The following TCF20 variants were observed in gnomAD, a reference collection of about 807,000 sequenced individuals.
The protein encoded by TCF20 is transcription factor 20, also known as SPRE-binding protein.
A neutral mutation model predicts 148.6 loss-of-function variants in TCF20; 3 were observed. The ratio of observed to expected loss-of-function variants is 0.02; its 90% confidence interval spans 0.01 to 0.05. The LOEUF is 0.05. Among genes scored for constraint, TCF20 ranks in the 10% least tolerant of loss-of-function variants. The probability of loss-of-function intolerance (pLI) is 1.00; values close to 1 mark genes in which losing one functional copy is unlikely to be tolerated. For synonymous variants in TCF20, 1,049 were observed against 909.5 expected (o/e 1.15, Z -2.76); for missense variants, 2,350 against 2,429.3 (o/e 0.97, Z 0.69).
chr22:42,189,174 T>C (rs1937201675), intron 2 of TCF20, among the ~76,000 whole-genome samples: 2 of 152,132 alleles, frequency 1.3e-5, no homozygotes, highest in Non-Finnish European at 2.9e-5. Context: ...GTTTGGGTAC[T>C]GGTGGTGGAA....
At chr22:42,308,453 G>A (rs1453440348) in intron 1 of TCF20, among the ~76,000 whole-genome samples, 1 of 152,058 alleles carries the variant, frequency 6.6e-6, no homozygotes, top group African/African-American at 2.4e-5. Context: ...CCTATCCTTG[G>A]GGGCAGGCAC....
intron 1 of TCF20, among the ~76,000 whole-genome samples, chr22:42,216,638 C>T (rs1176396117): frequency 6.6e-6 from 1 of 152,132 alleles, no homozygotes; most frequent in Non-Finnish European, 1.5e-5. Flanking sequence ...CCTTTACCCG[C>T]CATGTGGTAT....
intron 5 of TCF20, among the ~76,000 whole-genome samples, chr22:42,165,428 C>T (rs551124824): frequency 1.3e-5 from 2 of 152,300 alleles, no homozygotes; most frequent in East Asian, 3.9e-4. Flanking sequence ...GTTTAATTCA[C>T]GACAGGAGGA....
chr22:42,330,873 G>A (rs755538790), intron 1 of TCF20, among the ~76,000 whole-genome samples: 21 of 152,320 alleles, frequency 1.4e-4, no homozygotes, highest in African/African-American at 1.9e-4. Flanking sequence ...GGGGCTGCCC[G>A]TGAATGTCCT....
rs1927422476 is a variant in TCF20, at chr22:42,305,869, A to G, written c.-37+37610T>C. Among the ~76,000 whole-genome samples the G allele has an allele frequency of 2.1e-5, 3 of 145,838 alleles. No individual in the cohort carries two copies. In the South Asian group the frequency reaches 7.1e-4, roughly 34 times the overall value. On this transcript the variant is annotated intron_variant, in intron 1 of 1. Coordinates refer to the TCF20 transcript ENST00000515426. ...GGCCCTCAGATGCTCTCAAAGCTGG[A>G]GGGCAGGAAAAGCCCCTCAGGAGGG...
Position 42,270,604 on chromosome 22 carries a change from G to T in TCF20, c.-302C>A, listed in dbSNP as rs867847293. ...GGCCGCCTCGCAGGGGCCGAAAGCG[G>T]CTGGGCTCGGGGTTTTTTCTCTCCA... is the stretch of plus-strand genomic sequence containing the variant. On this transcript the variant is annotated 5_prime_UTR_variant, in exon 1 of 6. Transcript: ENST00000677622. Among the ~76,000 whole-genome samples the T allele has an allele frequency of 6.9e-6, 1 of 145,630 alleles. No homozygotes were observed. Among genetic ancestry groups the T allele is most frequent in the Non-Finnish European group, 1.5e-5 (1 of 65,588 alleles).
chr22:42,251,220 C>T (rs1925338614), intron 1 of TCF20, among the ~76,000 whole-genome samples: 1 of 152,142 alleles, frequency 6.6e-6, no homozygotes, highest in Non-Finnish European at 1.5e-5. Flanking sequence ...TTATTGAAGA[C>T]AAAGTCTTGC....
chr22:42,245,504 T>C (rs1279957230), intron 1 of TCF20, among the ~76,000 whole-genome samples: 2 of 152,328 alleles, frequency 1.3e-5, no homozygotes, highest in Non-Finnish European at 2.9e-5. Flanking sequence ...ACTGACCTAC[T>C]TCTCCCTTAA....
Position 42,212,872 on chromosome 22 carries a change from A to G in TCF20, c.2434T>C (p.Leu812=), listed in dbSNP as rs527483085. The G allele has an allele frequency of 6.2e-7, 1 of 1,614,144 alleles. No individual in the cohort carries two copies. Among genetic ancestry groups the G allele is most frequent in the Non-Finnish European group, 8.5e-7 (1 of 1,180,028 alleles). The part of the protein sequence containing the change: ...GLLNKSIGSL[L]ENPHWGPWER... The stretch of plus-strand genomic sequence containing the variant: ...CAGGGGCCCCAGTGGGGATTTTCTA[A>G]TAGAGACCCAATGCTTTTGTTCAGA... The change falls in exon 2 of 6, where the codon TTA becomes CTA. Residue 812 remains leucine (L), a synonymous_variant. Coordinates refer to ENST00000677622, the MANE Select transcript of TCF20 (RefSeq NM_001378418.1).
At position 42,185,774 on chromosome 22, in the gene TCF20, C is replaced by CGA. The variant is rs1303310442; in HGVS notation, c.5656-6074_5656-6073dup. On this transcript the variant is annotated intron_variant, in intron 2 of 5. Transcript: ENST00000677622. ...TGGTCCTTACTTCCTTAGAGCTAGA[C>CGA]GATCTCCTTACGTTTCTTCATGAAA... Among the ~76,000 whole-genome samples, 4 of 152,310 alleles carry CGA rather than the reference C, an allele frequency of 2.6e-5. No individual in the cohort carries two copies. In the East Asian group the frequency reaches 7.7e-4, roughly 29 times the overall value.
intron 1 of TCF20, among the ~76,000 whole-genome samples, chr22:42,221,307 TGG>T (rs1922335919): frequency 6.6e-6 from 1 of 152,210 alleles, no homozygotes; most frequent in Non-Finnish European, 1.5e-5. Flanking sequence ...CTTCCAGGGT[TGG>T]GTAAAGCCTT....
In TCF20 at chr22:42,209,956, G is replaced by C. The variant is rs1289889944; in HGVS notation, c.5350C>G (p.Pro1784Ala). ...QKEQRSLAAH[P>A]RFKRRHRSED... ...GAGCGGTGGCGCCGCTTAAACCTGG[G>C]GTGTGCGGCCAGGCTTCTCTGCTCC... Residue 1784 changes from proline to alanine, a missense_variant, in exon 2 of 6, where the codon CCC (proline) becomes GCC (alanine). This residue lies in a region of TCF20 where 374 missense variants were observed against 398.3 expected (regional missense o/e 0.94). Transcript: ENST00000677622. The C allele has an allele frequency of 6.2e-7, 1 of 1,613,830 alleles. No individual in the cohort carries two copies.
chr22:42,268,151 A>G (rs959505757), intron 1 of TCF20, among the ~76,000 whole-genome samples: 1 of 142,860 alleles, frequency 7.0e-6, no homozygotes, highest in African/African-American at 2.6e-5. Context: ...GTCAAAATAA[A>G]TAAGTAAATA....
intron 1 of TCF20, among the ~76,000 whole-genome samples, chr22:42,251,490 G>GTTT (rs1269590672): frequency 1.7e-4 from 13 of 77,438 alleles, no homozygotes; most frequent in African/African-American, 2.1e-4. Flanking sequence ...CCAAACAAGT[G>GTTT]TCTTTTTTTT....
rs780689927 is a variant in TCF20 at position 42,212,104 on chromosome 22, G to T, written c.3202C>A (p.Arg1068=). Reference sequence around the variant, plus strand: ...TTAGGGTCCCCATAAGCATGAGCCCGAGTATTTGCATGATAAGCAGAGGCC... The same window carrying T: ...TTAGGGTCCCCATAAGCATGAGCCCTAGTATTTGCATGATAAGCAGAGGCC... ...TLASAYHANT[R]AHAYGDPNAG... The change falls in exon 2 of 6, where the codon CGG becomes AGG. Residue 1068 remains arginine, a synonymous_variant. Coordinates refer to ENST00000677622, the MANE Select transcript of TCF20 (RefSeq NM_001378418.1). The T allele has an allele frequency of 6.2e-7, 1 of 1,614,126 alleles. No homozygotes were observed. The highest frequency in any genetic ancestry group is 8.5e-7 in the Non-Finnish European group (1 of 1,180,028).
intron 1 of TCF20, among the ~76,000 whole-genome samples, chr22:42,283,479 C>T (rs1390053193): frequency 1.3e-5 from 2 of 152,132 alleles, no homozygotes; most frequent in African/African-American, 2.4e-5. Context: ...CCTTCACGCC[C>T]CTGCTGCTGC....
intron 1 of TCF20, among the ~76,000 whole-genome samples, chr22:42,220,756 C>T (rs1355962747): frequency 1.3e-5 from 2 of 152,156 alleles, no homozygotes; most frequent in African/African-American, 4.8e-5. Flanking sequence ...GTGAGAGGAA[C>T]TTACTCTCCT....
chr22:42,196,384 A>AT (rs1241817126), intron 2 of TCF20, among the ~76,000 whole-genome samples: 1 of 152,234 alleles, frequency 6.6e-6, no homozygotes, highest in Non-Finnish European at 1.5e-5. Flanking sequence ...ACAAAGTCTT[A>AT]TATCAGCAAA....
At chr22:42,303,231 A>G (rs995295278) in intron 1 of TCF20, among the ~76,000 whole-genome samples, 1 of 152,224 alleles carries the variant, frequency 6.6e-6, no homozygotes, top group African/African-American at 2.4e-5. Context: ...TGCCAGGCCA[A>G]GCAACCATCT....
Sources: allele counts gnomAD v4.1 joint callset (sites outside exome capture counted in the v4.1 genomes callset), GRCh38; gene constraint gnomAD v4.1.1; regional missense constraint gnomAD v4.1.1; transcripts MANE v1.5; gene names NCBI Gene and HGNC (gene_info 2026-07-23, HGNC 2026-07-21).